The following ACSM2A variants were observed in gnomAD, a reference collection of about 807,000 sequenced individuals.
ACSM2A encodes the protein acyl-coenzyme A synthetase ACSM2A, mitochondrial.
A neutral mutation model predicts 76.6 loss-of-function variants in ACSM2A; 72 were observed. That is an observed-to-expected ratio of 0.94 (90% CI 0.78 to 1.14). ACSM2A has a LOEUF of 1.14. ACSM2A is among the 50% of genes most tolerant of loss of function. The pLI is 0.00. For missense variants in ACSM2A, 684 were observed against 708.5 expected, an observed-to-expected ratio of 0.97 and a Z score of 0.39; for synonymous variants, 249 against 255.9, an observed-to-expected ratio of 0.97 and a Z score of 0.26.
intron 1 of ACSM2A, among the ~76,000 whole-genome samples, chr16:20,458,907 T>TATATATATATATATATATATATATGC (rs2012405679): frequency 2.7e-5 from 1 of 36,544 alleles, no homozygotes; most frequent in Non-Finnish European, 5.0e-5. Context: ...TATATATGCA[T>TATATATATATATATATATATATATGC]ATATATATAT....
rs1263139463 is a variant in ACSM2A at position 20,471,585 on chromosome 16, G to A, written c.790G>A (p.Gly264Ser). ...SDIMWTISDT[G>S]WILNILCSLM... The stretch of plus-strand genomic sequence containing the variant: ...TATAATGTGGACCATATCAGACACA[G>A]GTTGGATACTGAACATCTTGTGCTC... The change falls in exon 6 of 14, where the codon GGT becomes AGT. Residue 264 changes from glycine to serine, a missense_variant. Around this residue, in one of 3 missense-constraint regions of ACSM2A, gnomAD observed 519 missense variants for 549.5 expected, o/e 0.94. Transcript: ENST00000573854. 6.2e-7 allele frequency: 1 copy of A among 1,614,022 alleles called. No individual in the cohort carries two copies. The highest frequency in any genetic ancestry group is 1.1e-5 in the South Asian group (1 of 91,052).
Position 20,467,867 on chromosome 16 carries a change from A to G in ACSM2A, c.389-1645A>G, listed in dbSNP as rs183282803. Among the ~76,000 whole-genome samples, 3 of 152,246 alleles carry G rather than the reference A, an allele frequency of 2.0e-5. No homozygotes were observed. In the East Asian group the frequency reaches 5.8e-4, roughly 30 times the overall value. On this transcript the variant is annotated intron_variant, in intron 3 of 13. Transcript: ENST00000573854. ...AAGGATGAGAAGTACAGTGGTATCA[A>G]AAAGAACCCCAAGAAACTCCAGCAA... is the stretch of plus-strand genomic sequence containing the variant.
intron 2 of ACSM2A, among the ~76,000 whole-genome samples, chr16:20,463,990 A>G (rs1264131338): frequency 6.6e-6 from 1 of 152,100 alleles, no homozygotes; most frequent in Non-Finnish European, 1.5e-5. Flanking sequence ...TTACGTTAAA[A>G]CTTCCACAGA....
At chr16:20,461,854 A>T (rs1730747673) in intron 2 of ACSM2A, among the ~76,000 whole-genome samples, 1 of 152,184 alleles carries the variant, frequency 6.6e-6, no homozygotes, top group South Asian at 2.1e-4. Context: ...GAAGGATGGG[A>T]AATATTTCTC....
rs182200817 is a variant in ACSM2A, at chr16:20,463,138, G to A, written c.178-2379G>A. Among the ~76,000 whole-genome samples the A allele has an allele frequency of 6.2e-4, 94 of 150,878 alleles. 2 individuals are homozygous for A. The East Asian group carries it at 0.017, about 28-fold the overall frequency. Reference sequence around the variant, plus strand: ...GGCGATATACCTAATGTTAAATGACGAGTTAAGCTGTGCAGCACACCAACA... The same window carrying A: ...GGCGATATACCTAATGTTAAATGACAAGTTAAGCTGTGCAGCACACCAACA... On this transcript the variant is annotated intron_variant, in intron 2 of 13. Transcript: ENST00000573854.
intron 4 of ACSM2A, 102 bp downstream of exon 4, chr16:20,469,821 A>T: frequency 3.3e-6 from 5 of 1,498,644 alleles, no homozygotes; most frequent in Non-Finnish European, 3.7e-6. Flanking sequence ...AAAGAACAGC[A>T]TGGGACTAGG....
At chr16:20,467,565 GT>G (rs2013084950) in intron 3 of ACSM2A, among the ~76,000 whole-genome samples, 1 of 152,140 alleles carries the variant, frequency 6.6e-6, no homozygotes, top group South Asian at 2.1e-4. Context: ...CAATTGGGGG[GT>G]GAACTAATAA....
intron 3 of ACSM2A, among the ~76,000 whole-genome samples, chr16:20,467,021 T>G (rs950347187): frequency 6.6e-6 from 1 of 152,232 alleles, no homozygotes; most frequent in African/African-American, 2.4e-5. Flanking sequence ...ATAGTTAGCT[T>G]GGACTATGTC....
chr16:20,463,870 T>C (rs1406374714), intron 2 of ACSM2A, among the ~76,000 whole-genome samples: 1 of 152,232 alleles, frequency 6.6e-6, no homozygotes, highest in Non-Finnish European at 1.5e-5. Flanking sequence ...TGAAATAATA[T>C]TCCATTGTTA....
At chr16:20,482,761 T>A (rs1284478105) in intron 12 of ACSM2A, 3 of 237,014 alleles carry the variant, frequency 1.3e-5, no homozygotes, top group Non-Finnish European at 2.5e-5. Context: ...GTTTTCAGTC[T>A]ATTTTTCTCT....
intron 3 of ACSM2A, 114 bp from the exon 4 acceptor site, chr16:20,469,398 T>C (rs752121852): frequency 1.3e-6 from 2 of 1,525,950 alleles, no homozygotes; most frequent in Non-Finnish European, 1.8e-6. Flanking sequence ...CTATTGGTCA[T>C]TACTTCCTCA....
intron 2 of ACSM2A, among the ~76,000 whole-genome samples, chr16:20,464,715 A>G (rs1307404955): frequency 6.6e-6 from 1 of 152,086 alleles, no homozygotes; most frequent in Non-Finnish European, 1.5e-5. Context: ...TTCAGACAAT[A>G]TCATGTATCT....
Position 20,465,276 on chromosome 16 carries a change from G to A in ACSM2A, c.178-241G>A, listed in dbSNP as rs760046106. ...GCTAATATATAATGGGTTTATTACA[G>A]TTATTTCTAAAAGCATACATTTACA... is the stretch of plus-strand genomic sequence containing the variant. On this transcript the variant is annotated intron_variant, in intron 2 of 13. Transcript: ENST00000573854. 7.2e-5 allele frequency among the ~76,000 whole-genome samples: 11 copies of A among 152,196 alleles called. 1 individual carries two copies. The highest frequency in any genetic ancestry group is 6.8e-3 in the Middle Eastern group (2 of 294).
chr16:20,483,989 T>G (rs957248618), intron 13 of ACSM2A, among the ~76,000 whole-genome samples: 9 of 151,352 alleles, frequency 5.9e-5, no homozygotes, highest in African/African-American at 1.5e-4. Context: ...CTCTATCAGC[T>G]CCAAACATAT....
intron 10 of ACSM2A, among the ~76,000 whole-genome samples, chr16:20,479,802 G>T (rs2013981078): frequency 6.6e-6 from 1 of 152,214 alleles, no homozygotes; most frequent in Non-Finnish European, 1.5e-5. Context: ...GCTCCATGAT[G>T]CCCATGAGAA....
At position 20,478,667 on chromosome 16, in the gene ACSM2A, C is replaced by T; in HGVS notation, c.1271C>T (p.Ser424Phe). 1 of 1,612,576 alleles carries T rather than the reference C, an allele frequency of 6.2e-7. No individual in the cohort carries two copies. Among genetic ancestry groups the T allele is most frequent in the African/African-American group, 1.3e-5 (1 of 75,014 alleles). The change falls in exon 10 of 14, where the codon TCT becomes TTT. Residue 424 changes from serine (S) to phenylalanine (F), a missense_variant. Around this residue, in one of 3 missense-constraint regions of ACSM2A, gnomAD observed 519 missense variants for 549.5 expected, o/e 0.94. Transcript: ENST00000573854. ...VKPIRPIGIF[S>F]GYVDNPDKTA... ...CCCATCAGGCCTATAGGCATCTTCT[C>T]TGGCTATGTGGTGAGAAACTGTGCT...
At chr16:20,482,641 T>C (rs2014149507) in intron 12 of ACSM2A, 1 of 169,108 alleles carries the variant, frequency 5.9e-6, no homozygotes, top group African/African-American at 2.4e-5. Flanking sequence ...CTAGCCCTGC[T>C]GTATATGATT....
At position 20,476,168 on chromosome 16, in the gene ACSM2A, C is replaced by G. The variant is rs376601791; in HGVS notation, c.1098+395C>G. 215 of 1,065,938 alleles carry G rather than the reference C, an allele frequency of 2.0e-4. 1 individual carries two copies. In the African/African-American group the frequency reaches 3.3e-3, roughly 17 times the overall value. 66.0% of individuals were successfully genotyped at this position (1,065,938 alleles called of 1,614,324 possible). A position where few individuals can be genotyped will look rare whatever the true frequency, so the allele number is the denominator to read the frequency against. On this transcript the variant is annotated intron_variant, in intron 8 of 13. Transcript: ENST00000573854. ...ACCAAAGTTTATCAAACATGTCAAG[C>G]ACTGTACAAAGCTACTTAGACTGAA...
In ACSM2A at chr16:20,469,702, C is replaced by T. The variant is rs1288300672; in HGVS notation, c.579C>T (p.Asn193=). ...VSEKSCDGWL[N]FKKLLNEAST... is the part of the protein sequence containing the mutation. ...AGAAAAGCTGTGATGGGTGGCTGAA[C>T]TTCAAGAAACTACTAAAGTGAGTAT... The change falls in exon 4 of 14, where the codon AAC becomes AAT. Residue 193 remains asparagine, a synonymous_variant. Transcript: ENST00000573854. 6.2e-7 allele frequency: 1 copy of T among 1,613,568 alleles called. No individual in the cohort carries two copies. The highest frequency in any genetic ancestry group is 1.7e-5 in the Admixed American group (1 of 59,962).
Sources: gnomAD v4.1 joint callset for allele counts (sites outside exome capture counted in the v4.1 genomes callset) on GRCh38, gnomAD v4.1.1 for gene constraint, gnomAD v4.1.1 regional missense constraint, MANE v1.5 for transcripts, NCBI Gene and HGNC (gene_info 2026-07-23, HGNC 2026-07-21) for gene names.